CC2D2B: variants seen among roughly 807,000 people sequenced by gnomAD.
CC2D2B encodes coiled-coil and C2 domain containing 2B.
Under a neutral mutation model 161.2 loss-of-function variants are expected in CC2D2B, and 128 were observed. The ratio of observed to expected loss-of-function variants is 0.79; its 90% CI spans 0.69 to 0.92. CC2D2B has a LOEUF of 0.92. Among genes scored for constraint, CC2D2B ranks in the 40% least tolerant of loss-of-function variants. The pLI is 0.00. For synonymous variants in CC2D2B, 391 were observed against 449.8 expected (o/e 0.87, Z 1.65); for missense variants, 1,173 against 1,375.1 (o/e 0.85, Z 2.32).
chr10:96,031,914 A>G lies in CC2D2B; in HGVS notation c.4220A>G (p.Gln1407Arg). 2 of 1,613,690 alleles carry G rather than the reference A, an allele frequency of 1.2e-6. No individual in the cohort carries two copies. The highest frequency in any genetic ancestry group is 3.3e-4 in the Middle Eastern group (2 of 6,060). Residue 1407 changes from glutamine to arginine, a missense_variant, in exon 35 of 35, where the codon CAG (glutamine) becomes CGG (arginine). Coordinates refer to ENST00000646931, the MANE Select transcript of CC2D2B (RefSeq NM_001349008.3). ...QTGIHSAEFP[Q>R]TEFALAVYIH... ...GGAATTCACTCTGCTGAATTTCCCC[A>G]GACAGAATTTGCTTTAGCTGTATAC... is the stretch of plus-strand genomic sequence containing the variant.
chr10:96,001,596 G>C (rs1403737576), intron 24 of CC2D2B, among the ~76,000 whole-genome samples: 1 of 152,148 alleles, frequency 6.6e-6, no homozygotes, highest in African/African-American at 2.4e-5. Flanking sequence ...AAAGTGAAAG[G>C]CTTCAGATCC....
intron 30 of CC2D2B, among the ~76,000 whole-genome samples, chr10:96,017,438 G>A (rs1457149452): frequency 2.6e-5 from 4 of 152,134 alleles, no homozygotes; most frequent in South Asian, 2.1e-4. Flanking sequence ...AACTATTAGC[G>A]TTAGTACCTG....
chr10:96,023,256 T>C (rs914957072), intron 32 of CC2D2B, among the ~76,000 whole-genome samples: 1 of 152,248 alleles, frequency 6.6e-6, no homozygotes, highest in African/African-American at 2.4e-5. Context: ...CTCTACTTCT[T>C]TCCTGTGGGC....
At chr10:95,962,448 G>A (rs945244826) in intron 12 of CC2D2B, among the ~76,000 whole-genome samples, 1 of 152,114 alleles carries the variant, frequency 6.6e-6, no homozygotes, top group Non-Finnish European at 1.5e-5. Context: ...CATTGCTGAT[G>A]GGAATGCAAA....
At chr10:96,025,186 AAAAAAAATAT>A (rs2079686576) in intron 33 of CC2D2B, among the ~76,000 whole-genome samples, 4 of 41,376 alleles carry the variant, frequency 9.7e-5, no homozygotes, top group East Asian at 7.8e-4. Flanking sequence ...TATATATATA[AAAAAAAATAT>A]ATATATATAT....
intron 10 of CC2D2B, among the ~76,000 whole-genome samples, chr10:95,954,644 C>T (rs974693289): frequency 6.6e-6 from 1 of 152,076 alleles, no homozygotes; most frequent in Admixed American, 6.6e-5. Flanking sequence ...ACCCTGTTAC[C>T]ATCTTTATTG....
chr10:95,958,691 T>C (rs1340334873), intron 11 of CC2D2B, among the ~76,000 whole-genome samples: 1 of 151,856 alleles, frequency 6.6e-6, no homozygotes, highest in African/African-American at 2.4e-5. Context: ...ACAATGTAAA[T>C]CATTGAATTT....
At chr10:95,913,367 T>C (rs906386681) in intron 2 of CC2D2B, 24 of 384,830 alleles carry the variant, frequency 6.2e-5, no homozygotes, top group East Asian at 1.9e-4. Flanking sequence ...CATTTATCTG[T>C]TGATGGACAC....
At chr10:95,975,035 A>T (rs1024314127) in intron 17 of CC2D2B, among the ~76,000 whole-genome samples, 8 of 152,174 alleles carry the variant, frequency 5.3e-5, no homozygotes. Context: ...CATGGATTGT[A>T]AAAAAAGGTA....
chr10:96,000,424 C>T (rs577024959), intron 24 of CC2D2B, among the ~76,000 whole-genome samples: 20 of 152,056 alleles, frequency 1.3e-4, no homozygotes, highest in African/African-American at 4.1e-4. Context: ...AGTGCAGTGG[C>T]GCGATCTGGG....
Position 95,911,286 on chromosome 10 carries a change from T to C in CC2D2B, c.-23-15T>C, listed in dbSNP as rs1448395996. 4.2e-6 allele frequency: 1 copy of C among 238,182 alleles called. No individual in the cohort carries two copies. Among genetic ancestry groups the C allele is most frequent in the Non-Finnish European group, 7.9e-6 (1 of 126,150 alleles). 14.8% of individuals were successfully genotyped at this position (238,182 alleles called of 1,614,324 possible). On this transcript the variant is annotated splice_polypyrimidine_tract_variant and intron_variant, in intron 1 of 34. Coordinates refer to ENST00000646931, the MANE Select transcript of CC2D2B (RefSeq NM_001349008.3). The stretch of plus-strand genomic sequence containing the variant: ...TATGATATGTCATTCTCAATAATAT[T>C]TCTTATTTATTTAGAAAGTTGAAAT...
At position 96,019,890 on chromosome 10, in the gene CC2D2B, T is replaced by C. The variant is rs1357749663; in HGVS notation, c.3888+66T>C. On this transcript the variant is annotated intron_variant, in intron 32 of 34. Coordinates refer to ENST00000646931, the MANE Select transcript of CC2D2B (RefSeq NM_001349008.3). The stretch of plus-strand genomic sequence containing the variant: ...CATTGCTTCTAATCTTTACTAATTG[T>C]GACAGCTCTTATTATGTTTTATAGT... 2.9e-6 allele frequency: 4 copies of C among 1,378,840 alleles called. No individual in the cohort carries two copies. The East Asian group carries it at 1.1e-4, about 37-fold the overall frequency. 85.4% of individuals were successfully genotyped at this position (1,378,840 alleles called of 1,614,324 possible).
In CC2D2B at chr10:96,032,056, C is replaced by A. The variant is rs775303258; in HGVS notation, c.*48C>A. 30 of 1,405,844 alleles carry A rather than the reference C, an allele frequency of 2.1e-5. No homozygotes were observed. The highest frequency in any genetic ancestry group is 1.8e-4 in the South Asian group (14 of 79,506). 87.1% of individuals were successfully genotyped at this position (1,405,844 alleles called of 1,614,324 possible). On this transcript the variant is annotated 3_prime_UTR_variant, in exon 35 of 35. Transcript: ENST00000646931. ...AGATTGTACTATAGTCCTCTAGTAC[C>A]AACAAAAACTTTTCTGGTACCTTGA...
intron 23 of CC2D2B, 72 bp downstream of exon 23, chr10:95,995,437 C>A: frequency 1.4e-6 from 1 of 718,062 alleles, no homozygotes; most frequent in South Asian, 2.4e-5. Context: ...ACTCTTAATT[C>A]ATCTCTCCAT....
intron 28 of CC2D2B, 45 bp from the exon 29 acceptor site, chr10:96,013,743 G>A (rs1272817400): frequency 5.9e-6 from 7 of 1,179,946 alleles, no homozygotes; most frequent in Non-Finnish European, 8.8e-6. Context: ...TGTGCTAAGT[G>A]ATGGACATAC....
intron 12 of CC2D2B, 71 bp from the exon 13 acceptor site, chr10:95,965,823 TGG>T: frequency 2.7e-6 from 1 of 368,018 alleles, no homozygotes; most frequent in Non-Finnish European, 4.5e-6. Flanking sequence ...GTGTGTGTGT[TGG>T]CAAAATCTCG....
At chr10:95,938,964 T>C (rs2075924657) in intron 9 of CC2D2B, 39 bp downstream of exon 9, 3 of 657,198 alleles carry the variant, frequency 4.6e-6, no homozygotes, top group Non-Finnish European at 8.3e-6. Context: ...TGGTTAAAAT[T>C]CTTGTAATAT....
At chr10:95,994,205 G>A (rs972571807) in intron 22 of CC2D2B, among the ~76,000 whole-genome samples, 2 of 151,272 alleles carry the variant, frequency 1.3e-5, no homozygotes, top group Non-Finnish European at 3.0e-5. Flanking sequence ...GGCAGGGTAA[G>A]GAGGGTGAGT....
Position 95,961,877 on chromosome 10 carries a change from A to G in CC2D2B, c.1158A>G (p.Leu386=), listed in dbSNP as rs2076773888. ...YDLERGKDLS[L]LHSILRTWKQ... is the part of the protein sequence containing the mutation. ...TAGAAAGGGGAAAGGACCTCTCCCT[A>G]CTACACAGTATATTACGAACTTGGA... Residue 386 remains leucine, a synonymous_variant, in exon 12 of 35, where the codon CTA becomes CTG. Coordinates refer to ENST00000646931, the MANE Select transcript of CC2D2B (RefSeq NM_001349008.3). 1.6e-6 allele frequency: 2 copies of G among 1,231,060 alleles called. No individual in the cohort carries two copies. The highest frequency in any genetic ancestry group is 4.2e-5 in the Admixed American group (1 of 23,682). The allele number at this position is 1,231,060 out of a possible 1,614,324, so 76.3% of individuals were successfully genotyped here.
Sources: allele counts gnomAD v4.1 joint callset (sites outside exome capture counted in the v4.1 genomes callset), GRCh38; gene constraint gnomAD v4.1.1; transcripts MANE v1.5; gene names NCBI Gene and HGNC (gene_info 2026-07-23, HGNC 2026-07-21).